Variants in ZFPM2 observed in about 807,000 individuals in gnomAD.
The protein encoded by ZFPM2 is zinc finger protein, FOG family member 2, also known as zinc finger protein ZFPM2.
A neutral mutation model predicts 98.6 loss-of-function variants in ZFPM2; 20 were observed. The ratio of observed to expected loss-of-function variants is 0.20; its 90% CI spans 0.14 to 0.29. The LOEUF is 0.29. ZFPM2 is among the 10% of genes least tolerant of loss of function. ZFPM2 has a pLI of 1.00. For missense variants in ZFPM2, 1,310 were observed against 1,388.6 expected, an observed-to-expected ratio of 0.94 and a Z score of 0.90; for synonymous variants, 518 against 502.7, an observed-to-expected ratio of 1.03 and a Z score of -0.41.
chr8:105,647,289 T>C (rs1187619119), intron 5 of ZFPM2, among the ~76,000 whole-genome samples: 1 of 152,186 alleles, frequency 6.6e-6, no homozygotes, highest in African/African-American at 2.4e-5. Context: ...GTCGTTTTAG[T>C]AAAAGGAAGT....
At chr8:105,793,518 A>AT (rs1436215118) in intron 6 of ZFPM2, among the ~76,000 whole-genome samples, 1 of 151,640 alleles carries the variant, frequency 6.6e-6, no homozygotes, top group Non-Finnish European at 1.5e-5. Context: ...TGCCCTTAAC[A>AT]TTTTTTCCTT....
intron 3 of ZFPM2, among the ~76,000 whole-genome samples, chr8:105,496,110 A>G (rs1351811124): frequency 6.6e-6 from 1 of 152,166 alleles, no homozygotes; most frequent in Non-Finnish European, 1.5e-5. Flanking sequence ...TCCCTATTCT[A>G]AGATCTTCAC....
intron 2 of ZFPM2, among the ~76,000 whole-genome samples, chr8:105,434,093 A>G (rs963490752): frequency 6.6e-6 from 1 of 152,188 alleles, no homozygotes; most frequent in African/African-American, 2.4e-5. Context: ...GCATTTTATT[A>G]TACATAAGTA....
intron 3 of ZFPM2, among the ~76,000 whole-genome samples, chr8:105,551,940 G>A (rs1337067081): frequency 2.0e-5 from 2 of 99,750 alleles, no homozygotes; most frequent in African/African-American, 6.1e-5. Flanking sequence ...TATCAGCAAT[G>A]ACTTGTGATA....
chr8:105,393,337 C>CCTTTCTTCCTTTCTTT (rs1811150543), intron 1 of ZFPM2, among the ~76,000 whole-genome samples: 1 of 114,776 alleles, frequency 8.7e-6, no homozygotes, highest in South Asian at 3.3e-4. Flanking sequence ...TCTCTCTTTG[C>CCTTTCTTCCTTTCTTT]CTTTCTTTCT....
chr8:105,685,350 C>T (rs1229945557), intron 5 of ZFPM2, among the ~76,000 whole-genome samples: 7 of 152,028 alleles, frequency 4.6e-5, no homozygotes, highest in African/African-American at 1.4e-4. Flanking sequence ...GAAAATGTAT[C>T]AGATGATAAA....
chr8:105,366,287 G>T (rs1199166062), intron 1 of ZFPM2, among the ~76,000 whole-genome samples: 2 of 152,196 alleles, frequency 1.3e-5, no homozygotes, highest in East Asian at 3.9e-4. Flanking sequence ...CTGTACTAGG[G>T]TTGTTTTCTT....
chr8:105,427,025 C>A (rs73302142), intron 2 of ZFPM2, among the ~76,000 whole-genome samples: 1,842 of 152,176 alleles, frequency 0.012, 33 homozygotes, highest in African/African-American at 0.042. Context: ...ACCTTATGAC[C>A]TTGTGGCATC....
At chr8:105,561,063 C>T (rs577972703) in intron 3 of ZFPM2, among the ~76,000 whole-genome samples, 21 of 152,046 alleles carry the variant, frequency 1.4e-4, no homozygotes, top group Non-Finnish European at 2.5e-4. Flanking sequence ...TGGATCAGTG[C>T]TTTTTAAGGG....
intron 3 of ZFPM2, among the ~76,000 whole-genome samples, chr8:105,527,139 TG>T (rs2130568768): frequency 6.6e-6 from 1 of 152,302 alleles, no homozygotes; most frequent in East Asian, 1.9e-4. Flanking sequence ...TCCCTGAGTC[TG>T]GTTCAGACCT....
At chr8:105,521,582 T>C (rs1314444665) in intron 3 of ZFPM2, among the ~76,000 whole-genome samples, 1 of 150,534 alleles carries the variant, frequency 6.6e-6, no homozygotes, top group South Asian at 2.1e-4. Flanking sequence ...TGTGAAACTT[T>C]CTTTTTTTTT....
At chr8:105,795,522 C>T (rs1197675654) in intron 6 of ZFPM2, among the ~76,000 whole-genome samples, 5 of 148,548 alleles carry the variant, frequency 3.4e-5, no homozygotes, top group Admixed American at 1.3e-4. Flanking sequence ...AAACAAAATA[C>T]GAAATCAAAG....
chr8:105,592,228 CCTT>C (rs1421212017), intron 4 of ZFPM2, among the ~76,000 whole-genome samples: 1 of 151,818 alleles, frequency 6.6e-6, no homozygotes, highest in Non-Finnish European at 1.5e-5. Flanking sequence ...TCTTTTTTTT[CCTT>C]CTTTTTTCCC....
intron 4 of ZFPM2, among the ~76,000 whole-genome samples, chr8:105,614,039 CCAA>C (rs961615923): frequency 1.4e-4 from 21 of 152,082 alleles, no homozygotes; most frequent in African/African-American, 5.1e-4. Context: ...CTAGTAGTTT[CCAA>C]CAACAACAAA....
At chr8:105,621,907 G>T (rs1417998237) in intron 4 of ZFPM2, among the ~76,000 whole-genome samples, 8 of 152,164 alleles carry the variant, frequency 5.3e-5, no homozygotes, top group African/African-American at 1.9e-4. Flanking sequence ...GTGCAGGTTT[G>T]TTACATAGGT....
At chr8:105,356,161 C>A (rs945152688) in intron 1 of ZFPM2, among the ~76,000 whole-genome samples, 32 of 152,252 alleles carry the variant, frequency 2.1e-4, no homozygotes, top group African/African-American at 7.7e-4. Context: ...TCCTGTAATT[C>A]AAACTTTCTT....
At chr8:105,335,060 A>G (rs1241290729) in intron 1 of ZFPM2, among the ~76,000 whole-genome samples, 1 of 151,774 alleles carries the variant, frequency 6.6e-6, no homozygotes, top group African/African-American at 2.4e-5. Flanking sequence ...ATTATGACAG[A>G]GTGGAAAGAA....
At chr8:105,570,608 C>T (rs1815334187) in intron 4 of ZFPM2, among the ~76,000 whole-genome samples, 1 of 152,108 alleles carries the variant, frequency 6.6e-6, no homozygotes, top group Non-Finnish European at 1.5e-5. Context: ...AATTTGTGCC[C>T]TTCCTGATAA....
At chr8:105,389,709 G>A in intron 1 of ZFPM2, among the ~76,000 whole-genome samples, 1 of 152,150 alleles carries the variant, frequency 6.6e-6, no homozygotes, top group Non-Finnish European at 1.5e-5. Context: ...TCATCAATGC[G>A]AGGCTAACAA....
Sources: gnomAD v4.1 joint callset for allele counts (sites outside exome capture counted in the v4.1 genomes callset) on GRCh38, gnomAD v4.1.1 for gene constraint, MANE v1.5 for transcripts, NCBI Gene and HGNC (gene_info 2026-07-23, HGNC 2026-07-21) for gene names.